The following ALCAM variants were observed in gnomAD, a reference collection of about 807,000 sequenced individuals.
ALCAM encodes the protein activated leukocyte cell adhesion molecule.
Under a neutral mutation model 70.9 loss-of-function variants are expected in ALCAM, and 30 were observed. The ratio of observed to expected loss-of-function variants is 0.42; its 90% CI spans 0.32 to 0.57. The LOEUF is 0.57. ALCAM is among the 20% of genes least tolerant of loss of function. The pLI is 0.11. For missense variants in ALCAM, 591 were observed against 695.1 expected (o/e 0.85, Z 1.68); for synonymous variants, 249 against 242.5 (o/e 1.03, Z -0.25).
intron 1 of ALCAM, among the ~76,000 whole-genome samples, chr3:105,422,610 T>G (rs879273883): frequency 2.0e-4 from 30 of 151,640 alleles, no homozygotes; most frequent in South Asian, 8.3e-4. Flanking sequence ...ATTTAATGTG[T>G]GCAACATGCT....
At chr3:105,427,098 C>T (rs1458276982) in intron 1 of ALCAM, among the ~76,000 whole-genome samples, 1 of 151,804 alleles carries the variant, frequency 6.6e-6, no homozygotes, top group Non-Finnish European at 1.5e-5. Flanking sequence ...CACTGCTTAC[C>T]CTTTTCAAAG....
rs983975840 is a variant in ALCAM at position 105,510,276 on chromosome 3, C to T, written c.74-9791C>T. Among the ~76,000 whole-genome samples, 9 of 151,972 alleles carry T rather than the reference C, an allele frequency of 5.9e-5. 1 individual carries two copies. The South Asian group carries it at 1.2e-3, about 21-fold the overall frequency. On this transcript the variant is annotated intron_variant, in intron 1 of 15. Coordinates refer to ENST00000306107, the MANE Select transcript of ALCAM (RefSeq NM_001627.4). Reference sequence around the variant, plus strand: ...GTCTAAGGAAGGTTCATCAGGGAATCGGGGTATCCGTGAGCTATAATCAGC... The same window carrying T: ...GTCTAAGGAAGGTTCATCAGGGAATTGGGGTATCCGTGAGCTATAATCAGC...
Position 105,403,419 on chromosome 3 carries a change from A to G in ALCAM, c.73+35938A>G, listed in dbSNP as rs944338096. Among the ~76,000 whole-genome samples, 5 of 152,176 alleles carry G rather than the reference A, an allele frequency of 3.3e-5. No homozygotes were observed. The East Asian group carries it at 7.7e-4, about 23-fold the overall frequency. On this transcript the variant is annotated intron_variant, in intron 1 of 15. Coordinates refer to ENST00000306107, the MANE Select transcript of ALCAM (RefSeq NM_001627.4). ...CGGATCACATCACAAGACTCATTGC[A>G]GACACTCCCCAGTACCAGCCTAAGC...
At chr3:105,410,149 G>A (rs891615800) in intron 1 of ALCAM, among the ~76,000 whole-genome samples, 20 of 151,924 alleles carry the variant, frequency 1.3e-4, no homozygotes, top group African/African-American at 3.6e-4. Flanking sequence ...TACAGTGCTG[G>A]TTTTATTTTA....
At chr3:105,433,734 G>A (rs1433070054) in intron 1 of ALCAM, among the ~76,000 whole-genome samples, 2 of 147,048 alleles carry the variant, frequency 1.4e-5, no homozygotes, top group Non-Finnish European at 3.0e-5. Flanking sequence ...CACCAAGGGG[G>A]ATATAGGAAA....
At chr3:105,549,212 G>C (rs1366800328) in intron 11 of ALCAM, among the ~76,000 whole-genome samples, 1 of 151,332 alleles carries the variant, frequency 6.6e-6, no homozygotes, top group Non-Finnish European at 1.5e-5. Flanking sequence ...CTTGTTCTGG[G>C]ATTTGTGCTG....
intron 14 of ALCAM, among the ~76,000 whole-genome samples, chr3:105,567,498 G>T (rs1326284010): frequency 6.6e-6 from 1 of 151,172 alleles, no homozygotes. Flanking sequence ...CTTTCTCTCT[G>T]TTTTCCAGAA....
intron 8 of ALCAM, among the ~76,000 whole-genome samples, chr3:105,544,244 C>T (rs1056780053): frequency 7.9e-5 from 12 of 151,538 alleles, no homozygotes; most frequent in African/African-American, 2.9e-4. Flanking sequence ...ACAAAATCTG[C>T]CAAGCTTTCT....
rs374789611 is a variant in ALCAM at position 105,414,366 on chromosome 3, G to T, written c.73+46885G>T. On this transcript the variant is annotated intron_variant, in intron 1 of 15. Coordinates refer to ENST00000306107, the MANE Select transcript of ALCAM (RefSeq NM_001627.4). The stretch of plus-strand genomic sequence containing the variant: ...AGAAGATGGAGGTTCAGTGAGCCAA[G>T]ATCATGCCACTGCACTTCAGCCTGG... Among the ~76,000 whole-genome samples the T allele has an allele frequency of 7.9e-5, 12 of 152,184 alleles. No individual in the cohort carries two copies. The South Asian group carries it at 2.5e-3, about 32-fold the overall frequency.
chr3:105,550,319 T>C (rs1292526879), intron 12 of ALCAM, 60 bp downstream of exon 12: 1 of 1,499,148 alleles, frequency 6.7e-7, no homozygotes, highest in African/African-American at 1.4e-5. Context: ...TCTTCATTAG[T>C]TTAAAATCTT....
chr3:105,531,854 C>A, intron 3 of ALCAM, 148 bp from the exon 4 acceptor site: 1 of 729,542 alleles, frequency 1.4e-6, no homozygotes. Flanking sequence ...ATAGATTCCC[C>A]AAATCCAGAT....
chr3:105,532,918 C>G (rs13086213), intron 4 of ALCAM, among the ~76,000 whole-genome samples: 11,038 of 152,074 alleles, frequency 0.073, 490 homozygotes, highest in African/African-American at 0.11. Flanking sequence ...AGATCAGATT[C>G]GAACAACACA....
intron 1 of ALCAM, among the ~76,000 whole-genome samples, chr3:105,378,680 T>C (rs1454828138): frequency 6.6e-6 from 1 of 151,612 alleles, no homozygotes; most frequent in Admixed American, 6.6e-5. Flanking sequence ...TTAAATAGCT[T>C]CTCTGATCAT....
intron 1 of ALCAM, among the ~76,000 whole-genome samples, chr3:105,407,709 G>C (rs912408182): frequency 6.6e-6 from 1 of 152,180 alleles, no homozygotes; most frequent in Non-Finnish European, 1.5e-5. Context: ...AATACTGGAA[G>C]TCCTATTCAG....
At chr3:105,519,820 A>C (rs1397883892) in intron 1 of ALCAM, among the ~76,000 whole-genome samples, 1 of 152,142 alleles carries the variant, frequency 6.6e-6, no homozygotes, top group African/African-American at 2.4e-5. Context: ...AAAATTGGAG[A>C]TCTGCAAATT....
chr3:105,489,424 T>A (rs1286741776), intron 1 of ALCAM, among the ~76,000 whole-genome samples: 3 of 152,288 alleles, frequency 2.0e-5, no homozygotes, highest in African/African-American at 7.2e-5. Context: ...AGTCAGACTT[T>A]TGGCCATGTT....
At chr3:105,473,715 C>T (rs753533187) in intron 1 of ALCAM, among the ~76,000 whole-genome samples, 25 of 151,616 alleles carry the variant, frequency 1.6e-4, no homozygotes, top group Admixed American at 5.3e-4. Context: ...TCTCAAAGCA[C>T]ATTATGACTA....
intron 1 of ALCAM, among the ~76,000 whole-genome samples, chr3:105,424,718 T>C (rs971757615): frequency 1.3e-5 from 2 of 151,700 alleles, no homozygotes; most frequent in African/African-American, 4.8e-5. Context: ...GTGAGGATGA[T>C]TTTGTAGGAA....
chr3:105,557,505 C>T (rs951857216), intron 14 of ALCAM, among the ~76,000 whole-genome samples: 2 of 151,946 alleles, frequency 1.3e-5, no homozygotes, highest in African/African-American at 4.8e-5. Context: ...TTCAAAATCC[C>T]CTCTCTATAT....
Sources: gnomAD v4.1 joint callset for allele counts (sites outside exome capture counted in the v4.1 genomes callset) on GRCh38, gnomAD v4.1.1 for gene constraint, MANE v1.5 for transcripts, NCBI Gene and HGNC (gene_info 2026-07-23, HGNC 2026-07-21) for gene names.